The following TNS3 variants were observed in gnomAD, a reference collection of about 807,000 sequenced individuals.
The protein encoded by TNS3 is tensin 3.
Under a neutral mutation model 140.9 loss-of-function variants are expected in TNS3, and 45 were observed. The observed-to-expected ratio is 0.32, with a 90% CI of 0.25 to 0.41. TNS3 has a LOEUF of 0.41. Ranked by LOEUF, TNS3 falls within the 10% of genes least tolerant of loss-of-function variation. The pLI, the probability that TNS3 is intolerant of heterozygous loss-of-function variation, is 1.00. For synonymous variants in TNS3, 815 were observed against 788.4 expected (o/e 1.03, Z -0.56); for missense variants, 1,716 against 1,906.7 (o/e 0.90, Z 1.86).
intron 24 of TNS3, 100 bp from the exon 25 acceptor site, chr7:47,293,928 G>C (rs569211434): frequency 1.0e-5 from 11 of 1,081,386 alleles, no homozygotes; most frequent in Admixed American, 3.9e-5. Flanking sequence ...AGTTGAAAAG[G>C]CTCTTCTCTG....
At chr7:47,558,869 C>A (rs77398759) in intron 1 of TNS3, among the ~76,000 whole-genome samples, 2,951 of 152,276 alleles carry the variant, frequency 0.019, 91 homozygotes, top group African/African-American at 0.068. Context: ...CAGGAGGAAG[C>A]TTTGCATGAC....
intron 6 of TNS3, among the ~76,000 whole-genome samples, chr7:47,438,222 T>C (rs1795286650): frequency 6.6e-6 from 1 of 152,136 alleles, no homozygotes; most frequent in South Asian, 2.1e-4. Context: ...TGACCCACAG[T>C]TCATTTCTAA....
intron 1 of TNS3, among the ~76,000 whole-genome samples, chr7:47,554,895 G>A (rs1350302719): frequency 5.9e-5 from 9 of 152,056 alleles, no homozygotes; most frequent in Non-Finnish European, 1.3e-4. Context: ...GGGCATGGTA[G>A]TGTGCGCCTG....
chr7:47,285,655 C>T (rs1242259787), intron 27 of TNS3, among the ~76,000 whole-genome samples: 9 of 152,142 alleles, frequency 5.9e-5, no homozygotes, highest in South Asian at 2.1e-4. Context: ...GTATACTTGG[C>T]GATATTTATC....
At chr7:47,439,345 C>T (rs1380752136) in intron 6 of TNS3, 142 bp downstream of exon 6, 31 of 910,178 alleles carry the variant, frequency 3.4e-5, no homozygotes, top group South Asian at 1.0e-4. Flanking sequence ...AGACAGAGGA[C>T]GAAGGCGCCA....
chr7:47,410,334 C>T lies in TNS3; in HGVS notation c.723+1393G>A, dbSNP rs530143462. 2.3e-4 allele frequency among the ~76,000 whole-genome samples: 35 copies of T among 152,312 alleles called. No individual in the cohort carries two copies. In the South Asian group the frequency reaches 3.5e-3, roughly 15 times the overall value. ...AACGGGCCTATAAAAACGTATGACGCACCCCAAACCTCAGCTTTCTTGCCT... is the reference window on the plus strand; with the variant it reads ...AACGGGCCTATAAAAACGTATGACGTACCCCAAACCTCAGCTTTCTTGCCT... On this transcript the variant is annotated intron_variant, in intron 13 of 30. Transcript: ENST00000311160.
chr7:47,472,643 G>A (rs1299132710), intron 4 of TNS3, among the ~76,000 whole-genome samples: 4 of 152,182 alleles, frequency 2.6e-5, no homozygotes, highest in South Asian at 2.1e-4. Flanking sequence ...GACTAGAGGC[G>A]TCTAGACCAG....
intron 28 of TNS3, among the ~76,000 whole-genome samples, chr7:47,280,826 T>C (rs985817365): frequency 2.6e-5 from 4 of 152,050 alleles, no homozygotes; most frequent in South Asian, 4.1e-4. Flanking sequence ...AACAGGAGAA[T>C]TGCTTGAACC....
chr7:47,339,973 A>G lies in TNS3; in HGVS notation c.2650+4782T>C, dbSNP rs997994715. 2.1e-5 allele frequency among the ~76,000 whole-genome samples: 3 copies of G among 145,824 alleles called. No individual in the cohort carries two copies. In the South Asian group the frequency reaches 6.4e-4, roughly 31 times the overall value. ...ATAAGTGGCATATATATATATATAT[A>G]TATATATGTATACATATGCGATCAT... On this transcript the variant is annotated intron_variant, in intron 20 of 30. Transcript: ENST00000311160.
chr7:47,505,835 A>G (rs536692487), intron 3 of TNS3, among the ~76,000 whole-genome samples: 1 of 152,306 alleles, frequency 6.6e-6, no homozygotes, highest in East Asian at 1.9e-4. Flanking sequence ...ATGTGCATGC[A>G]CATGTGTGTA....
chr7:47,342,260 A>C (rs1254776228), intron 20 of TNS3, among the ~76,000 whole-genome samples: 5 of 152,240 alleles, frequency 3.3e-5, no homozygotes, highest in Admixed American at 3.3e-4. Flanking sequence ...TGTACTTAGC[A>C]GGAGAAATAG....
chr7:47,521,198 AC>A (rs1010187834), intron 2 of TNS3, among the ~76,000 whole-genome samples: 5 of 151,964 alleles, frequency 3.3e-5, no homozygotes, highest in African/African-American at 1.2e-4. Context: ...TCCCTGCCCC[AC>A]CCACCTCCCA....
chr7:47,546,420 G>A (rs11977980), intron 1 of TNS3, among the ~76,000 whole-genome samples: 12,032 of 152,050 alleles, frequency 0.079, 1,600 homozygotes, highest in African/African-American at 0.27. Context: ...CAGTCTTCCT[G>A]CGTCCCAGCC....
intron 20 of TNS3, among the ~76,000 whole-genome samples, chr7:47,333,773 C>G (rs1360890321): frequency 1.3e-5 from 2 of 152,170 alleles, no homozygotes; most frequent in Admixed American, 1.3e-4. Flanking sequence ...CACGCTGTGT[C>G]TCTCTATCAG....
At chr7:47,282,143 C>G (rs112080130) in intron 28 of TNS3, among the ~76,000 whole-genome samples, 18 of 151,312 alleles carry the variant, frequency 1.2e-4, no homozygotes, top group African/African-American at 4.1e-4. Flanking sequence ...CCAACGGGAA[C>G]CCTGAGTGAG....
chr7:47,372,959 G>T (rs534451885), intron 16 of TNS3, among the ~76,000 whole-genome samples: 1 of 152,170 alleles, frequency 6.6e-6, no homozygotes, highest in African/African-American at 2.4e-5. Context: ...CTCTGTAGGA[G>T]CACAGATCTT....
intron 1 of TNS3, among the ~76,000 whole-genome samples, chr7:47,567,348 TAC>T (rs1800451267): frequency 6.6e-6 from 1 of 152,158 alleles, no homozygotes; most frequent in Admixed American, 6.5e-5. Context: ...TAGTAATGAA[TAC>T]ACAGACACAG....
At position 47,501,799 on chromosome 7, in the gene TNS3, G is replaced by A. The variant is rs75164002; in HGVS notation, c.-115+5108C>T. Among the ~76,000 whole-genome samples, 1,328 of 152,272 alleles carry A rather than the reference G, an allele frequency of 8.7e-3. 19 individuals carry two copies. The highest frequency in any genetic ancestry group is 0.031 in the African/African-American group (1,276 of 41,548). ...CTGGGAGTCTCGGACAAGATGCCAC[G>A]GATGTATGAGCAGAGCCTTCATGGG... On this transcript the variant is annotated intron_variant, in intron 3 of 30. Transcript: ENST00000311160.
At position 47,413,920 on chromosome 7, in the gene TNS3, G is replaced by A. The variant is rs1198928834; in HGVS notation, c.647+17C>T. 3 of 1,613,428 alleles carry A rather than the reference G, an allele frequency of 1.9e-6. No homozygotes were observed. Among genetic ancestry groups the A allele is most frequent in the Non-Finnish European group, 2.5e-6 (3 of 1,179,974 alleles). On this transcript the variant is annotated intron_variant, in intron 12 of 30. Transcript: ENST00000311160. Reference sequence around the variant, plus strand: ...TCCAGGTCCCACAACAGCAGCAGCAGCAGCAGCAGCACTCACTAGATCCCG... The same window carrying A: ...TCCAGGTCCCACAACAGCAGCAGCAACAGCAGCAGCACTCACTAGATCCCG...
Sources: gnomAD v4.1 joint callset for allele counts (sites outside exome capture counted in the v4.1 genomes callset) on GRCh38, gnomAD v4.1.1 for gene constraint, MANE v1.5 for transcripts, NCBI Gene and HGNC (gene_info 2026-07-23, HGNC 2026-07-21) for gene names.